The following STXBP5L variants were observed in gnomAD, a reference collection of about 807,000 sequenced individuals.
STXBP5L encodes syntaxin-binding protein 5-like.
In STXBP5L, 65 loss-of-function variants were observed where a neutral mutation model predicts 144.5. The observed-to-expected ratio is 0.45, with a 90% CI of 0.37 to 0.55. The LOEUF (loss-of-function observed/expected upper bound fraction) is 0.55. Among genes scored for constraint, STXBP5L ranks in the 20% least tolerant of loss-of-function variants. The pLI is 0.00. For missense variants in STXBP5L, 1,298 were observed against 1,405.5 expected, an observed-to-expected ratio of 0.92 and a Z score of 1.22; for synonymous variants, 505 against 469.6, an observed-to-expected ratio of 1.08 and a Z score of -0.97.
chr3:121,148,582 T>C (rs1483088783), intron 7 of STXBP5L, among the ~76,000 whole-genome samples: 3 of 152,140 alleles, frequency 2.0e-5, no homozygotes, highest in African/African-American at 2.4e-5. Context: ...AAGATGGCTA[T>C]GATTTATTCC....
chr3:121,155,145 C>G (rs1424866574), intron 8 of STXBP5L, among the ~76,000 whole-genome samples: 2 of 151,832 alleles, frequency 1.3e-5, no homozygotes, highest in African/African-American at 2.4e-5. Context: ...GAATAGCTCT[C>G]AATTGTCGAC....
chr3:121,331,317 C>G (rs1247737752), intron 20 of STXBP5L, among the ~76,000 whole-genome samples: 1 of 152,206 alleles, frequency 6.6e-6, no homozygotes, highest in Non-Finnish European at 1.5e-5. Context: ...CTCCCCCTTG[C>G]TCGCCACTGC....
At chr3:121,385,807 G>A (rs1286740131) in intron 22 of STXBP5L, among the ~76,000 whole-genome samples, 1 of 151,956 alleles carries the variant, frequency 6.6e-6, no homozygotes, top group Non-Finnish European at 1.5e-5. Flanking sequence ...TTATTTTCCA[G>A]CATTCAATTC....
intron 12 of STXBP5L, among the ~76,000 whole-genome samples, chr3:121,237,162 T>C (rs1018686134): frequency 5.9e-5 from 9 of 152,300 alleles, no homozygotes; most frequent in African/African-American, 2.2e-4. Flanking sequence ...ATGTGGCAGG[T>C]TTCAGCATGG....
chr3:121,348,400 A>T (rs968576564), intron 20 of STXBP5L, among the ~76,000 whole-genome samples: 2 of 152,026 alleles, frequency 1.3e-5, no homozygotes, highest in East Asian at 1.9e-4. Flanking sequence ...TTCATCAGGG[A>T]TATTGGTCTA....
chr3:121,013,091 C>T (rs1042747919), intron 3 of STXBP5L, among the ~76,000 whole-genome samples: 1 of 151,878 alleles, frequency 6.6e-6, no homozygotes, highest in African/African-American at 2.4e-5. Context: ...TTTATCCAAT[C>T]TATCATTGAT....
chr3:121,061,155 G>A (rs1368385196), intron 5 of STXBP5L, among the ~76,000 whole-genome samples: 1 of 152,160 alleles, frequency 6.6e-6, no homozygotes, highest in South Asian at 2.1e-4. Context: ...GTGTCCCAGA[G>A]ATTCTGGTAC....
intron 5 of STXBP5L, among the ~76,000 whole-genome samples, chr3:121,109,329 T>G (rs1291140558): frequency 2.0e-5 from 3 of 152,136 alleles, no homozygotes; most frequent in African/African-American, 4.8e-5. Flanking sequence ...TGGTGCCGAT[T>G]TGAGATCTTT....
At chr3:121,304,065 G>C (rs142452315) in intron 19 of STXBP5L, among the ~76,000 whole-genome samples, 3 of 151,172 alleles carry the variant, frequency 2.0e-5, no homozygotes, top group Admixed American at 2.0e-4. Context: ...AAGGGGAAAA[G>C]AATTCCATGA....
At chr3:121,018,886 G>A (rs1945337313) in intron 3 of STXBP5L, among the ~76,000 whole-genome samples, 1 of 152,206 alleles carries the variant, frequency 6.6e-6, no homozygotes. Flanking sequence ...CCCTTTGAAG[G>A]AGGTGGATTG....
At chr3:121,193,739 C>G (rs555063478) in intron 9 of STXBP5L, among the ~76,000 whole-genome samples, 6 of 151,950 alleles carry the variant, frequency 3.9e-5, no homozygotes, top group Admixed American at 6.6e-5. Flanking sequence ...AACCAAACAC[C>G]GTATGTTCTC....
intron 3 of STXBP5L, among the ~76,000 whole-genome samples, chr3:121,017,806 A>C (rs1461312715): frequency 6.6e-6 from 1 of 152,146 alleles, no homozygotes; most frequent in East Asian, 1.9e-4. Flanking sequence ...GGTGAAGGTG[A>C]TGGTTCATGG....
At chr3:120,941,783 G>A (rs1710579257) in intron 2 of STXBP5L, among the ~76,000 whole-genome samples, 1 of 151,662 alleles carries the variant, frequency 6.6e-6, no homozygotes, top group Admixed American at 6.6e-5. Context: ...AAGGCATGAT[G>A]TCTGTTTATA....
chr3:121,369,090 C>T (rs2045952015), intron 20 of STXBP5L, among the ~76,000 whole-genome samples: 1 of 152,172 alleles, frequency 6.6e-6, no homozygotes, highest in Admixed American at 6.5e-5. Context: ...AAGCTGTATG[C>T]AAACTGTTCC....
chr3:121,214,717 G>A (rs966976160), intron 10 of STXBP5L, among the ~76,000 whole-genome samples: 3 of 152,152 alleles, frequency 2.0e-5, no homozygotes, highest in African/African-American at 4.8e-5. Context: ...ATGTCTATTA[G>A]GTCCACTTGG....
At chr3:121,126,588 C>A (rs1036824650) in intron 7 of STXBP5L, among the ~76,000 whole-genome samples, 1 of 152,084 alleles carries the variant, frequency 6.6e-6, no homozygotes, top group East Asian at 1.9e-4. Context: ...ATAAAGTAGT[C>A]ATGGTGTTTA....
At chr3:120,974,419 T>C (rs1470060443) in intron 3 of STXBP5L, among the ~76,000 whole-genome samples, 1 of 150,286 alleles carries the variant, frequency 6.7e-6, no homozygotes, top group Non-Finnish European at 1.5e-5. Flanking sequence ...TTTGTTTGAG[T>C]TCATTGTAGA....
intron 9 of STXBP5L, among the ~76,000 whole-genome samples, chr3:121,161,427 G>A (rs2046318612): frequency 6.6e-6 from 1 of 151,760 alleles, no homozygotes; most frequent in East Asian, 1.9e-4. Flanking sequence ...TTTATATAAT[G>A]TGTCACTTTT....
chr3:121,279,705 C>A, intron 18 of STXBP5L, 100 bp from the exon 19 acceptor site: 1 of 1,444,178 alleles, frequency 6.9e-7, no homozygotes, highest in Non-Finnish European at 9.6e-7. Flanking sequence ...ACTTCCCCAA[C>A]CCTAAGACAT....
Sources: gnomAD v4.1 joint callset for allele counts (sites outside exome capture counted in the v4.1 genomes callset) on GRCh38, gnomAD v4.1.1 for gene constraint, MANE v1.5 for transcripts, NCBI Gene and HGNC (gene_info 2026-07-23, HGNC 2026-07-21) for gene names.